Variants in SYT9 observed in about 807,000 individuals in gnomAD.
SYT9 encodes synaptotagmin 9.
In SYT9, 22 loss-of-function variants were observed where a neutral mutation model predicts 48.4. The observed-to-expected ratio is 0.45, with a 90% CI of 0.32 to 0.65. The LOEUF is 0.65. SYT9 is among the 30% of genes least tolerant of loss of function. SYT9 has a pLI of 0.03. For missense variants in SYT9, 577 were observed against 622.0 expected (o/e 0.93, Z 0.77); for synonymous variants, 265 against 245.0 (o/e 1.08, Z -0.76).
intron 1 of SYT9, among the ~76,000 whole-genome samples, chr11:7,243,776 G>T (rs191275708): frequency 6.6e-6 from 1 of 152,184 alleles, no homozygotes; most frequent in African/African-American, 2.4e-5. Flanking sequence ...CATCTTTTTG[G>T]CTAGTTGGAT....
At chr11:7,465,592 G>A (rs1448366993) in intron 6 of SYT9, among the ~76,000 whole-genome samples, 1 of 152,144 alleles carries the variant, frequency 6.6e-6, no homozygotes, top group African/African-American at 2.4e-5. Flanking sequence ...TCTAAGTCTG[G>A]GGCTTCCTTA....
At chr11:7,412,864 G>C (rs748822577) in intron 3 of SYT9, among the ~76,000 whole-genome samples, 24 of 152,324 alleles carry the variant, frequency 1.6e-4, no homozygotes, top group Admixed American at 8.5e-4. Flanking sequence ...TTATCAGGGG[G>C]TTGAGTTGCC....
chr11:7,305,038 A>T (rs1174524936), intron 2 of SYT9, among the ~76,000 whole-genome samples: 1 of 152,210 alleles, frequency 6.6e-6, no homozygotes, highest in Non-Finnish European at 1.5e-5. Flanking sequence ...CAATGATGCC[A>T]CTATAATTAT....
At chr11:7,388,178 A>C (rs1382941744) in intron 3 of SYT9, among the ~76,000 whole-genome samples, 5 of 152,198 alleles carry the variant, frequency 3.3e-5, no homozygotes, top group Non-Finnish European at 7.3e-5. Flanking sequence ...CAGTTTACTT[A>C]ATGAGACATA....
At chr11:7,370,779 C>T (rs925211498) in intron 3 of SYT9, among the ~76,000 whole-genome samples, 4 of 152,088 alleles carry the variant, frequency 2.6e-5, no homozygotes, top group Admixed American at 6.6e-5. Context: ...CACTGTTGTC[C>T]TCAAACAGAC....
chr11:7,410,233 T>C (rs1369313587), intron 3 of SYT9, among the ~76,000 whole-genome samples: 1 of 152,218 alleles, frequency 6.6e-6, no homozygotes, highest in Admixed American at 6.5e-5. Flanking sequence ...TTTTTAAAAC[T>C]GTTGAGAATC....
In SYT9 at chr11:7,440,933, G is replaced by C. The variant is rs1847819390; in HGVS notation, c.1467+20298G>C. 2.0e-5 allele frequency: 3 copies of C among 152,206 alleles called. No individual in the cohort carries two copies. The South Asian group carries it at 6.2e-4, about 32-fold the overall frequency. 9.4% of individuals were successfully genotyped at this position (152,206 alleles called of 1,614,324 possible). The stretch of plus-strand genomic sequence containing the variant: ...GACAACCCACAAGACCAGTTGCTAT[G>C]AATGACATCCAGTGGGATGTGGAAA... On this transcript the variant is annotated intron_variant, in intron 6 of 6. Transcript: ENST00000318881.
At chr11:7,464,657 G>A (rs1848296891) in intron 6 of SYT9, among the ~76,000 whole-genome samples, 1 of 152,198 alleles carries the variant, frequency 6.6e-6, no homozygotes, top group Admixed American at 6.5e-5. Flanking sequence ...TGGTGACACT[G>A]AGCCTGTTAA....
At chr11:7,445,573 C>G (rs35707471) in intron 6 of SYT9, among the ~76,000 whole-genome samples, 1,778 of 152,352 alleles carry the variant, frequency 0.012, 26 homozygotes, top group African/African-American at 0.038. Context: ...TCTCCTCCTA[C>G]ACTTCCAACC....
intron 6 of SYT9, among the ~76,000 whole-genome samples, chr11:7,462,036 G>A (rs1848246052): frequency 6.6e-6 from 1 of 152,218 alleles, no homozygotes; most frequent in Non-Finnish European, 1.5e-5. Context: ...CTCCTGTGAA[G>A]TCTGGACTGT....
chr11:7,320,668 T>C (rs10839764), intron 3 of SYT9, among the ~76,000 whole-genome samples: 26 of 152,124 alleles, frequency 1.7e-4, no homozygotes, highest in Admixed American at 3.9e-4. Flanking sequence ...TAATCTTTTT[T>C]AAAAAATTCT....
At chr11:7,382,487 A>G (rs1850583975) in intron 3 of SYT9, among the ~76,000 whole-genome samples, 2 of 152,138 alleles carry the variant, frequency 1.3e-5, no homozygotes, top group African/African-American at 4.8e-5. Flanking sequence ...GGCTGTGAGC[A>G]AGGGAGGAAA....
At position 7,418,063 on chromosome 11, in the gene SYT9, C is replaced by T; in HGVS notation, c.1272C>T (p.Val424=). Residue 424 remains valine, a synonymous_variant, in exon 5 of 7, where the codon GTC becomes GTT. Transcript: ENST00000318881. ...TLNPVYNEAI[V]FDVPPENIDQ... is the part of the protein sequence containing the mutation. The stretch of plus-strand genomic sequence containing the variant: ...ATCCTGTTTACAACGAAGCCATAGT[C>T]TTTGATGTCCCTCCCGAGAACATTG... 1 of 1,614,196 alleles carries T rather than the reference C, an allele frequency of 6.2e-7. No individual in the cohort carries two copies. The highest frequency in any genetic ancestry group is 8.5e-7 in the Non-Finnish European group (1 of 1,180,044).
chr11:7,259,662 T>C (rs72853369), intron 1 of SYT9, among the ~76,000 whole-genome samples: 16,988 of 152,202 alleles, frequency 0.11, 1,199 homozygotes, highest in South Asian at 0.18. Context: ...TGAACCTTCT[T>C]ATATTTACTC....
intron 3 of SYT9, among the ~76,000 whole-genome samples, chr11:7,361,515 A>G (rs1850136586): frequency 1.3e-5 from 2 of 152,172 alleles, no homozygotes; most frequent in Admixed American, 6.5e-5. Flanking sequence ...TGTTGAATTC[A>G]TGGTTCCATA....
At chr11:7,382,929 A>G (rs1307789300) in intron 3 of SYT9, among the ~76,000 whole-genome samples, 1 of 152,172 alleles carries the variant, frequency 6.6e-6, no homozygotes, top group African/African-American at 2.4e-5. Flanking sequence ...AGAAATTGTC[A>G]TCCTCCAGGC....
At chr11:7,304,567 C>T (rs925326880) in intron 2 of SYT9, among the ~76,000 whole-genome samples, 1 of 152,186 alleles carries the variant, frequency 6.6e-6, no homozygotes, top group African/African-American at 2.4e-5. Context: ...CTAGAGGCTC[C>T]ACTCATTCTC....
chr11:7,332,923 A>T (rs1260788628), intron 3 of SYT9, among the ~76,000 whole-genome samples: 1 of 152,254 alleles, frequency 6.6e-6, no homozygotes, highest in Non-Finnish European at 1.5e-5. Context: ...GACTACATTT[A>T]ATGGTCTTCT....
chr11:7,458,541 C>T (rs12295093), intron 6 of SYT9, among the ~76,000 whole-genome samples: 47,384 of 151,962 alleles, frequency 0.31, 8,909 homozygotes, highest in African/African-American at 0.51. Flanking sequence ...AGAAGTGTGA[C>T]ATAGATTGTT....
Sources: allele counts gnomAD v4.1 joint callset (sites outside exome capture counted in the v4.1 genomes callset), GRCh38; gene constraint gnomAD v4.1.1; transcripts MANE v1.5; gene names NCBI Gene and HGNC (gene_info 2026-07-23, HGNC 2026-07-21).